TULP4: variants seen among roughly 807,000 people sequenced by gnomAD.
The protein encoded by TULP4 is TUB like protein 4, also known as tubby-related protein 4.
A neutral mutation model predicts 129.0 loss-of-function variants in TULP4; 16 were observed. The observed-to-expected ratio is 0.12, with a 90% CI of 0.08 to 0.19. The LOEUF (loss-of-function observed/expected upper bound fraction) is 0.19. TULP4 is among the 10% of genes least tolerant of loss of function. The pLI, the probability that TULP4 is intolerant of heterozygous loss-of-function variation, is 1.00. For missense variants in TULP4, 1,842 were observed against 2,059.1 expected (o/e 0.89, Z 2.04); for synonymous variants, 998 against 854.0 (o/e 1.17, Z -2.94).
chr6:158,503,469 G>A lies in TULP4; in HGVS notation c.3806G>A (p.Cys1269Tyr), dbSNP rs746159598. The part of the protein sequence containing the change: ...ALHPWSSYSA[C>Y]PPMQNPQGTL... Reference sequence around the variant, plus strand: ...CATCCATGGAGTTCCTACAGCGCCTGCCCGCCCATGCAGAACCCCCAGGGC... The same window carrying A: ...CATCCATGGAGTTCCTACAGCGCCTACCCGCCCATGCAGAACCCCCAGGGC... Residue 1269 changes from cysteine to tyrosine, a missense_variant, in exon 13 of 14, where the codon TGC becomes TAC. By Grantham distance (194) the Cys-to-Tyr change is radical (BLOSUM62 -2). Transcript: ENST00000367097. This position sits in a 1 kb window ranked among gnomAD's most constrained non-coding sequence, Gnocchi z 4.3. 1 of 1,613,864 alleles carries A rather than the reference G, an allele frequency of 6.2e-7. No homozygotes were observed. The highest frequency in any genetic ancestry group is 1.1e-5 in the South Asian group (1 of 91,068).
rs1314227488 is a variant in TULP4 at position 158,510,976 on chromosome 6, GTGTCCAAAA to G, written c.*4287_*4295del. 1.3e-5 allele frequency: 2 copies of G among 152,416 alleles called. No individual in the cohort carries two copies. The highest frequency in any genetic ancestry group is 2.9e-5 in the Non-Finnish European group (2 of 68,052). 9.4% of individuals were successfully genotyped at this position (152,416 alleles called of 1,614,324 possible). ...AAGCAAAGTTAGTGGAGACAAAAAT[GTGTCCAAAA>G]TGTCGTTTGAGTTCCTGGGATTTCT... On this transcript the variant is annotated 3_prime_UTR_variant, in exon 14 of 14. Coordinates refer to ENST00000367097, the MANE Select transcript of TULP4 (RefSeq NM_020245.5).
At chr6:158,347,977 GT>G (rs907819948) in intron 1 of TULP4, among the ~76,000 whole-genome samples, 4 of 147,776 alleles carry the variant, frequency 2.7e-5, no homozygotes, top group Admixed American at 6.7e-5. Context: ...TCCAACCTGG[GT>G]TTTTTTTTTC....
At chr6:158,433,989 C>T (rs1431439437) in intron 3 of TULP4, among the ~76,000 whole-genome samples, 1 of 152,150 alleles carries the variant, frequency 6.6e-6, no homozygotes, top group East Asian at 1.9e-4. Flanking sequence ...GTTGGCAGGT[C>T]TCATTTCTCC....
At chr6:158,271,102 A>G (rs1261765668) in intron 1 of TULP4, among the ~76,000 whole-genome samples, 3 of 150,670 alleles carry the variant, frequency 2.0e-5, no homozygotes, top group Non-Finnish European at 2.9e-5. Flanking sequence ...GTTAGCCGAG[A>G]TCGCGCCACT....
At chr6:158,501,046 G>A (rs1436326362) in intron 12 of TULP4, among the ~76,000 whole-genome samples, 4 of 151,930 alleles carry the variant, frequency 2.6e-5, no homozygotes, top group Non-Finnish European at 4.4e-5. Flanking sequence ...GCTACTGCAC[G>A]CCTGGGCAAC....
chr6:158,279,215 T>A (rs970330016), upstream of TULP4, among the ~76,000 whole-genome samples: 2 of 152,144 alleles, frequency 1.3e-5, no homozygotes, highest in Non-Finnish European at 2.9e-5. Context: ...GTGCTGGGAT[T>A]ACAGGCTTGA....
chr6:158,390,002 C>T (rs1206517581), intron 1 of TULP4, among the ~76,000 whole-genome samples: 3 of 150,390 alleles, frequency 2.0e-5, no homozygotes, highest in East Asian at 2.0e-4. Flanking sequence ...TGCCAGGAGG[C>T]GGAGGTTGCA....
chr6:158,260,591 AT>A (rs1178096186), intron 1 of TULP4, among the ~76,000 whole-genome samples: 13 of 150,716 alleles, frequency 8.6e-5, no homozygotes, highest in Non-Finnish European at 1.0e-4. Context: ...AAAAAAAAAA[AT>A]GTTCATTAGT....
At chr6:158,326,219 T>TC (rs1779743817) in intron 1 of TULP4, among the ~76,000 whole-genome samples, 1 of 152,218 alleles carries the variant, frequency 6.6e-6, no homozygotes, top group Non-Finnish European at 1.5e-5. Flanking sequence ...GATAAAAATT[T>TC]CCCCCCCAGT....
At position 158,314,284 on chromosome 6, in the gene TULP4, G is replaced by A. The variant is rs1264052475; in HGVS notation, c.252+16G>A. 6.2e-7 allele frequency: 1 copy of A among 1,609,084 alleles called. No homozygotes were observed. Among genetic ancestry groups the A allele is most frequent in the South Asian group, 1.1e-5 (1 of 90,970 alleles). The stretch of plus-strand genomic sequence containing the variant: ...CAATAGCGAGGTGAGCTGTGGTTTT[G>A]TTTCACTTTTTGGTCACTTCCAGTG... On this transcript the variant is annotated intron_variant, in intron 1 of 13. Transcript: ENST00000367097.
chr6:158,388,334 T>TTTTTC (rs1562545749), intron 1 of TULP4, among the ~76,000 whole-genome samples: 2 of 133,154 alleles, frequency 1.5e-5, no homozygotes, highest in Non-Finnish European at 3.2e-5. Flanking sequence ...TTTTTTTTTT[T>TTTTTC]TTTTTTTTTT....
chr6:158,464,053 A>G (rs1000823104), intron 6 of TULP4, among the ~76,000 whole-genome samples: 1 of 152,174 alleles, frequency 6.6e-6, no homozygotes, highest in Admixed American at 6.5e-5. Context: ...GACTCTACAA[A>G]CCTCATGTAA....
chr6:158,504,024 A>G lies in TULP4; in HGVS notation c.4361A>G (p.Glu1454Gly). The change falls in exon 13 of 14, where the codon GAG becomes GGG. Residue 1454 changes from glutamate to glycine, a missense_variant. By Grantham distance (98) the Glu-to-Gly change is moderately conservative (BLOSUM62 -2). Coordinates refer to ENST00000367097, the MANE Select transcript of TULP4 (RefSeq NM_020245.5). ...EAKCRRASEK[E>G]DGRLGSQGFV... ...AAGTGCCGGCGGGCCAGTGAGAAGG[A>G]GGACGGGCGGCTGGGCAGCCAAGGC... 1.2e-6 allele frequency: 2 copies of G among 1,611,804 alleles called. No individual in the cohort carries two copies. The highest frequency in any genetic ancestry group is 1.7e-6 in the Non-Finnish European group (2 of 1,179,104).
At chr6:158,367,288 C>T (rs1367809887) in intron 1 of TULP4, among the ~76,000 whole-genome samples, 2 of 152,090 alleles carry the variant, frequency 1.3e-5, no homozygotes, top group African/African-American at 4.8e-5. Flanking sequence ...TTTAATGTGG[C>T]CCAGAGGGGA....
In TULP4 at chr6:158,503,890, G is replaced by A; in HGVS notation, c.4227G>A (p.Glu1409=). 1.2e-6 allele frequency: 2 copies of A among 1,614,092 alleles called. No homozygotes were observed. The highest frequency in any genetic ancestry group is 1.7e-5 in the Admixed American group (1 of 60,034). Residue 1409 remains glutamate (E), a synonymous_variant, in exon 13 of 14, where the codon GAG becomes GAA. Coordinates refer to ENST00000367097, the MANE Select transcript of TULP4 (RefSeq NM_020245.5). This position sits in a 1 kb window ranked among gnomAD's most constrained non-coding sequence, Gnocchi z 4.3. ...AGTTCCAGGACAGCTCCGAGAGCGA[G>A]CCTGAGCTGTTCATCAGCGGGGATG... ...TNEFQDSSES[E]PELFISGDEL...
chr6:158,472,807 T>C (rs984090387), intron 6 of TULP4, among the ~76,000 whole-genome samples: 2 of 152,242 alleles, frequency 1.3e-5, no homozygotes, highest in Non-Finnish European at 2.9e-5. Flanking sequence ...ACAGCAATGC[T>C]TGTGGCTGGA....
At chr6:158,421,249 C>A (rs1343486072) in intron 2 of TULP4, among the ~76,000 whole-genome samples, 1 of 152,024 alleles carries the variant, frequency 6.6e-6, no homozygotes, top group Non-Finnish European at 1.5e-5. Context: ...GTAGTCCCAG[C>A]TACTCGGGAG....
At chr6:158,358,771 T>C (rs1780703116) in intron 1 of TULP4, among the ~76,000 whole-genome samples, 1 of 152,234 alleles carries the variant, frequency 6.6e-6, no homozygotes. Flanking sequence ...TTTGATGATA[T>C]CAGAGAACCC....
intron 1 of TULP4, among the ~76,000 whole-genome samples, chr6:158,290,402 T>G (rs1424642847): frequency 6.6e-6 from 1 of 152,236 alleles, no homozygotes; most frequent in Non-Finnish European, 1.5e-5. Flanking sequence ...TCCTTATATA[T>G]TCTAGTTGTT....
Sources: gnomAD v4.1 joint callset for allele counts (sites outside exome capture counted in the v4.1 genomes callset) on GRCh38, gnomAD v4.1.1 for gene constraint, Gnocchi (gnomAD v3.1) non-coding constraint, MANE v1.5 for transcripts, NCBI Gene and HGNC (gene_info 2026-07-23, HGNC 2026-07-21) for gene names.